Variants in RHOU observed in about 807,000 individuals in gnomAD.
The protein encoded by RHOU is ras homolog family member U.
A neutral mutation model predicts 12.6 loss-of-function variants in RHOU; 8 were observed. The observed-to-expected ratio is 0.64, with a 90% CI of 0.37 to 1.15. The LOEUF (loss-of-function observed/expected upper bound fraction) is 1.15. Ranked by LOEUF, RHOU falls within the 50% of genes most tolerant of loss-of-function variation. The pLI is 0.01. For missense variants in RHOU, 258 were observed against 347.0 expected (o/e 0.74, Z 2.04); for synonymous variants, 161 against 147.4 (o/e 1.09, Z -0.67).
the RHOU span, among the ~76,000 whole-genome samples, chr1:228,684,790 G>A: frequency 3.2e-4 from 49 of 152,276 alleles, no homozygotes; most frequent in South Asian, 3.1e-3. Context: ...CCAGTTTCTG[G>A]CTTGCAGACC....
At chr1:228,664,800 A>AT in the RHOU span, among the ~76,000 whole-genome samples, 7 of 152,030 alleles carry the variant, frequency 4.6e-5, no homozygotes, top group South Asian at 1.2e-3. Context: ...TGACCGGCTA[A>AT]TTTTTTGTAT....
chr1:228,735,304 T>C (rs1245877924), upstream of RHOU: 1 of 152,094 alleles, frequency 6.6e-6, no homozygotes, highest in Non-Finnish European at 1.5e-5. The surrounding 1 kb of genome is among the most constrained non-coding windows in gnomAD (Gnocchi z 8.1). Context: ...AGTCCCCGCC[T>C]GGTCGCGGCG....
At chr1:228,663,853 G>T in the RHOU span, among the ~76,000 whole-genome samples, 1 of 151,058 alleles carries the variant, frequency 6.6e-6, no homozygotes, top group Middle Eastern at 3.4e-3. Flanking sequence ...GGCTGGTCCC[G>T]AACTCCTGAC....
chr1:228,730,814 G>A (rs116213647), upstream of RHOU, among the ~76,000 whole-genome samples: 343 of 152,250 alleles, frequency 2.3e-3, no homozygotes, highest in African/African-American at 7.9e-3. Context: ...CAAAAAAACC[G>A]TGCTGTTCTG....
chr1:228,666,414 C>A, the RHOU span, among the ~76,000 whole-genome samples: 1 of 152,122 alleles, frequency 6.6e-6, no homozygotes, highest in African/African-American at 2.4e-5. Context: ...AAAGGTTTAT[C>A]ATTTCTTTGT....
chr1:228,703,104 C>T, the RHOU span, among the ~76,000 whole-genome samples: 1 of 152,156 alleles, frequency 6.6e-6, no homozygotes, highest in Non-Finnish European at 1.5e-5. Flanking sequence ...CCTGGAAAAG[C>T]ACCTTAAACA....
the RHOU span, among the ~76,000 whole-genome samples, chr1:228,663,984 C>T: frequency 1.1e-5 from 1 of 91,230 alleles, no homozygotes; most frequent in African/African-American, 4.1e-5. Flanking sequence ...CCCCTTCCCT[C>T]CCCTCCCCTC....
chr1:228,701,814 T>A, the RHOU span, among the ~76,000 whole-genome samples: 1 of 151,772 alleles, frequency 6.6e-6, no homozygotes, highest in African/African-American at 2.4e-5. Context: ...TACAGCTTTT[T>A]TTTAATCAAA....
chr1:228,702,396 T>G, the RHOU span, among the ~76,000 whole-genome samples: 1 of 152,144 alleles, frequency 6.6e-6, no homozygotes, highest in East Asian at 1.9e-4. Context: ...AGATGATGAC[T>G]GGAGCATTCA....
the RHOU span, among the ~76,000 whole-genome samples, chr1:228,655,879 G>T: frequency 6.6e-6 from 1 of 152,218 alleles, no homozygotes; most frequent in Non-Finnish European, 1.5e-5. Flanking sequence ...ATACAAGTAT[G>T]CCTAATGATA....
At chr1:228,656,439 C>A in the RHOU span, among the ~76,000 whole-genome samples, 2 of 152,138 alleles carry the variant, frequency 1.3e-5, no homozygotes, top group African/African-American at 4.8e-5. Flanking sequence ...ATACCATTCA[C>A]TTTTTGTTTT....
At chr1:228,740,481 G>T (rs1229046985) in intron 2 of RHOU, among the ~76,000 whole-genome samples, 2 of 147,818 alleles carry the variant, frequency 1.4e-5, no homozygotes, top group African/African-American at 5.1e-5. Flanking sequence ...CAGTTGTTCT[G>T]TTTTTGTTTT....
chr1:228,685,845 C>T, the RHOU span, among the ~76,000 whole-genome samples: 1 of 152,136 alleles, frequency 6.6e-6, no homozygotes, highest in Admixed American at 6.5e-5. Flanking sequence ...CTACCGACTC[C>T]TTTCTCTTCA....
the RHOU span, among the ~76,000 whole-genome samples, chr1:228,701,848 T>G: frequency 6.6e-6 from 1 of 151,762 alleles, no homozygotes; most frequent in Non-Finnish European, 1.5e-5. Flanking sequence ...GTTAGTACAC[T>G]TTGTATATAG....
the RHOU span, among the ~76,000 whole-genome samples, chr1:228,685,369 C>T: frequency 6.6e-6 from 1 of 152,256 alleles, no homozygotes; most frequent in East Asian, 1.9e-4. Context: ...GGTTCCAATG[C>T]CTCTGACAGT....
At chr1:228,659,077 T>TA in the RHOU span, among the ~76,000 whole-genome samples, 27,733 of 151,962 alleles carry the variant, frequency 0.18, 2,748 homozygotes, top group East Asian at 0.35. Context: ...GCTTACGTTT[T>TA]AAAAAAACAA....
chr1:228,725,564 C>G, the RHOU span, among the ~76,000 whole-genome samples: 1 of 152,186 alleles, frequency 6.6e-6, no homozygotes, highest in African/African-American at 2.4e-5. Flanking sequence ...AAGAACAGAG[C>G]ACTTCCCCAG....
the RHOU span, among the ~76,000 whole-genome samples, chr1:228,667,804 A>ATT: frequency 6.6e-6 from 1 of 152,236 alleles, no homozygotes; most frequent in East Asian, 1.9e-4. Flanking sequence ...TTTTTATTGT[A>ATT]TTATTTAAAA....
the RHOU span, among the ~76,000 whole-genome samples, chr1:228,696,137 G>A: frequency 6.6e-6 from 1 of 151,922 alleles, no homozygotes; most frequent in African/African-American, 2.4e-5. Flanking sequence ...CAAACTAATA[G>A]TAGTTTTGTT....
Sources: gnomAD v4.1 joint callset for allele counts (sites outside exome capture counted in the v4.1 genomes callset) on GRCh38, gnomAD v4.1.1 for gene constraint, Gnocchi (gnomAD v3.1) non-coding constraint, MANE v1.5 for transcripts, NCBI Gene and HGNC (gene_info 2026-07-23, HGNC 2026-07-21) for gene names.